ARB2A: variants seen among roughly 807,000 people sequenced by gnomAD.
ARB2A encodes ARB2 cotranscriptional regulator A, also known as cotranscriptional regulator ARB2A.
chr5:93,859,806 T>C, the ARB2A span, among the ~76,000 whole-genome samples: 15 of 152,104 alleles, frequency 9.9e-5, no homozygotes, highest in African/African-American at 3.6e-4. Context: ...ACAGTAACGA[T>C]AACACAAAGA....
chr5:94,078,286 A>G, the ARB2A span, among the ~76,000 whole-genome samples: 1 of 152,304 alleles, frequency 6.6e-6, no homozygotes, highest in East Asian at 1.9e-4. Context: ...TCTAGCCCTA[A>G]AGATTCTATG....
At chr5:93,739,435 T>C in the ARB2A span, 1 of 151,998 alleles carries the variant, frequency 6.6e-6, no homozygotes, top group Admixed American at 6.5e-5. Context: ...AGATAAAACA[T>C]TTGCAAGACT....
chr5:93,865,615 C>CTTTATTTAATCTTTATTTA, the ARB2A span: 1 of 985,242 alleles, frequency 1.0e-6, no homozygotes, highest in Admixed American at 6.2e-5. Flanking sequence ...TTGGGGCTAA[C>CTTTATTTAATCTTTATTTA]ATCTTTATTT....
the ARB2A span, among the ~76,000 whole-genome samples, chr5:94,029,755 C>T: frequency 6.6e-6 from 1 of 152,184 alleles, no homozygotes; most frequent in Admixed American, 6.5e-5. Context: ...TATTCTATTC[C>T]TTCATATCCT....
the ARB2A span, among the ~76,000 whole-genome samples, chr5:93,895,829 TAAC>T: frequency 6.6e-6 from 1 of 151,962 alleles, no homozygotes; most frequent in African/African-American, 2.4e-5. Flanking sequence ...ATCATTCTAT[TAAC>T]AATATATAAT....
the ARB2A span, among the ~76,000 whole-genome samples, chr5:93,635,459 G>GTTTTTTTTTTTTT: frequency 1.6e-4 from 21 of 128,922 alleles, 2 homozygotes; most frequent in African/African-American, 6.6e-4. Flanking sequence ...TTATACGAAA[G>GTTTTTTTTTTTTT]TTTTTTTTTT....
the ARB2A span, among the ~76,000 whole-genome samples, chr5:93,888,909 T>A: frequency 6.6e-6 from 1 of 151,738 alleles, no homozygotes; most frequent in Non-Finnish European, 1.5e-5. Flanking sequence ...AAATACCGAT[T>A]TCATACAACA....
At chr5:94,087,733 T>C in the ARB2A span, among the ~76,000 whole-genome samples, 4 of 152,306 alleles carry the variant, frequency 2.6e-5, no homozygotes, top group Admixed American at 2.6e-4. Flanking sequence ...TTAAAAATAT[T>C]TCATGCTATA....
At chr5:93,815,004 AT>A in the ARB2A span, among the ~76,000 whole-genome samples, 1 of 151,878 alleles carries the variant, frequency 6.6e-6, no homozygotes, top group East Asian at 1.9e-4. Context: ...TGCCTGGCTA[AT>A]TTTTTTAAAA....
chr5:93,861,843 T>A, the ARB2A span: 3 of 152,174 alleles, frequency 2.0e-5, no homozygotes, highest in Non-Finnish European at 2.9e-5. Flanking sequence ...TTAAGTCTAT[T>A]TAGTTTACTG....
the ARB2A span, among the ~76,000 whole-genome samples, chr5:94,061,744 T>C: frequency 6.6e-6 from 1 of 152,110 alleles, no homozygotes; most frequent in Admixed American, 6.5e-5. Flanking sequence ...AAATAACAGG[T>C]ATAGGATTTA....
the ARB2A span, among the ~76,000 whole-genome samples, chr5:93,717,214 T>C: frequency 3.9e-3 from 591 of 152,298 alleles, 1 homozygote; most frequent in Non-Finnish European, 6.3e-3. Context: ...CATTGGTTAA[T>C]TGATTCTAGA....
At chr5:94,085,530 T>C in the ARB2A span, among the ~76,000 whole-genome samples, 1 of 152,212 alleles carries the variant, frequency 6.6e-6, no homozygotes, top group Admixed American at 6.5e-5. Context: ...GAAGCCCATG[T>C]GGGAGGGCTT....
At chr5:93,640,555 GGTGTGTGTGTGTGTGTGTAT>G in the ARB2A span, among the ~76,000 whole-genome samples, 2 of 147,498 alleles carry the variant, frequency 1.4e-5, no homozygotes, top group African/African-American at 5.1e-5. Flanking sequence ...TTCCTATAGG[GGTGTGTGTGTGTGTGTGTAT>G]GTGTGTGTGT....
the ARB2A span, among the ~76,000 whole-genome samples, chr5:93,953,260 TTGC>T: frequency 6.6e-6 from 1 of 152,170 alleles, no homozygotes; most frequent in Non-Finnish European, 1.5e-5. Context: ...ATTGCAGTCT[TTGC>T]AATCTGGGCT....
At chr5:93,633,823 T>G in the ARB2A span, among the ~76,000 whole-genome samples, 2 of 152,098 alleles carry the variant, frequency 1.3e-5, no homozygotes, top group South Asian at 4.1e-4. Flanking sequence ...TATATATATC[T>G]GAGACAAGGT....
At chr5:93,718,918 C>T in the ARB2A span, among the ~76,000 whole-genome samples, 5 of 152,174 alleles carry the variant, frequency 3.3e-5, no homozygotes, top group Admixed American at 2.0e-4. Flanking sequence ...TTCCCTATCA[C>T]TTTACTGCCA....
At chr5:93,709,632 C>CAAA in the ARB2A span, among the ~76,000 whole-genome samples, 465 of 41,594 alleles carry the variant, frequency 0.011, 19 homozygotes, top group African/African-American at 0.023. Context: ...GACTCTGTCA[C>CAAA]AAAAAAAAAA....
chr5:93,889,941 G>T, the ARB2A span, among the ~76,000 whole-genome samples: 1 of 151,856 alleles, frequency 6.6e-6, no homozygotes, highest in Non-Finnish European at 1.5e-5. Flanking sequence ...GTTATAGTAT[G>T]AGACAGTCAA....
Sources: gnomAD v4.1 joint callset for allele counts (sites outside exome capture counted in the v4.1 genomes callset) on GRCh38, gnomAD v4.1.1 for gene constraint, MANE v1.5 for transcripts, NCBI Gene and HGNC (gene_info 2026-07-23, HGNC 2026-07-21) for gene names.